The following PARD3 variants were observed in gnomAD, a reference collection of about 807,000 sequenced individuals.
PARD3 encodes partitioning defective 3 homolog.
A neutral mutation model predicts 155.4 loss-of-function variants in PARD3; 75 were observed. The observed-to-expected ratio is 0.48, with a 90% CI of 0.40 to 0.58. The LOEUF (loss-of-function observed/expected upper bound fraction) is 0.58. Ranked by LOEUF, PARD3 falls within the 20% of genes least tolerant of loss-of-function variation. PARD3 has a pLI of 0.00. For missense variants in PARD3, 1,642 were observed against 1,721.7 expected, an observed-to-expected ratio of 0.95 and a Z score of 0.82; for synonymous variants, 576 against 610.5, an observed-to-expected ratio of 0.94 and a Z score of 0.83.
At chr10:34,540,714 C>T (rs781061717) in intron 2 of PARD3, among the ~76,000 whole-genome samples, 1 of 151,950 alleles carries the variant, frequency 6.6e-6, no homozygotes, top group African/African-American at 2.4e-5. Context: ...CTGGGAAGCT[C>T]GAGGCTACAG....
chr10:34,514,090 T>C (rs2081562300), intron 3 of PARD3, among the ~76,000 whole-genome samples: 1 of 152,202 alleles, frequency 6.6e-6, no homozygotes, highest in Non-Finnish European at 1.5e-5. Context: ...ATCTAGGCTT[T>C]ATCTTAATAC....
chr10:34,666,816 T>TATAC (rs765552982), intron 2 of PARD3, among the ~76,000 whole-genome samples: 5,254 of 88,116 alleles, frequency 0.06, 173 homozygotes, highest in South Asian at 0.08. Context: ...TATATATATA[T>TATAC]ACACACACAC....
intron 2 of PARD3, among the ~76,000 whole-genome samples, chr10:34,679,185 G>A (rs1241307734): frequency 6.6e-6 from 1 of 152,066 alleles, no homozygotes; most frequent in Non-Finnish European, 1.5e-5. Context: ...GGAAAATAGG[G>A]GAACACATTC....
chr10:34,708,102 T>C (rs990253581), intron 1 of PARD3, among the ~76,000 whole-genome samples: 11 of 152,210 alleles, frequency 7.2e-5, no homozygotes, highest in African/African-American at 9.6e-5. Flanking sequence ...ATCCTCCTGA[T>C]TGAACCTAAT....
intron 2 of PARD3, among the ~76,000 whole-genome samples, chr10:34,639,876 C>A (rs1028648938): frequency 1.3e-5 from 2 of 149,814 alleles, no homozygotes; most frequent in Admixed American, 6.6e-5. Flanking sequence ...ACACACACAC[C>A]ACACACACAC....
In PARD3 at chr10:34,148,868, T is replaced by G. The variant is rs184422313; in HGVS notation, c.3420-17285A>C. 5.2e-3 allele frequency among the ~76,000 whole-genome samples: 787 copies of G among 152,140 alleles called. 9 individuals are homozygous for G. The highest frequency in any genetic ancestry group is 0.018 in the African/African-American group (757 of 41,512). On this transcript the variant is annotated intron_variant, in intron 22 of 24. Transcript: ENST00000374788. ...TCCCTCTATTGCCAGAATCAAGTTT[T>G]TTTTTGTTTGTTTTTAATGAATATG...
intron 22 of PARD3, among the ~76,000 whole-genome samples, chr10:34,139,971 T>A (rs1485434787): frequency 1.3e-5 from 2 of 152,204 alleles, no homozygotes; most frequent in African/African-American, 2.4e-5. Context: ...ATATGCCTGA[T>A]CTCTAGATAA....
At chr10:34,386,832 A>G (rs1842397674) in intron 7 of PARD3, among the ~76,000 whole-genome samples, 1 of 152,066 alleles carries the variant, frequency 6.6e-6, no homozygotes. Context: ...AAAAAAAAAA[A>G]AGAATTATTA....
chr10:34,507,540 T>TAAAAAAACAAAAA (rs1457218103), intron 3 of PARD3, among the ~76,000 whole-genome samples: 598 of 43,252 alleles, frequency 0.014, 11 homozygotes, highest in African/African-American at 0.11. Flanking sequence ...TCAGATCAAT[T>TAAAAAAACAAAAA]AAAAAAACAA....
intron 12 of PARD3, among the ~76,000 whole-genome samples, chr10:34,365,574 A>T (rs1457553148): frequency 1.3e-5 from 2 of 152,200 alleles, no homozygotes; most frequent in African/African-American, 4.8e-5. Flanking sequence ...AAATAGGTAG[A>T]CAAGAACATC....
chr10:34,712,763 G>A (rs984012413), intron 1 of PARD3, among the ~76,000 whole-genome samples: 1 of 151,998 alleles, frequency 6.6e-6, no homozygotes, highest in Non-Finnish European at 1.5e-5. Flanking sequence ...AAACACTGGG[G>A]ACTACTAGAT....
At chr10:34,552,820 G>GA (rs1450277034) in intron 2 of PARD3, among the ~76,000 whole-genome samples, 7 of 151,914 alleles carry the variant, frequency 4.6e-5, no homozygotes, top group East Asian at 1.9e-4. Flanking sequence ...TAAACGGACT[G>GA]AAAAAAACAC....
chr10:34,369,263 T>C (rs1207793318), intron 12 of PARD3, among the ~76,000 whole-genome samples: 2 of 152,298 alleles, frequency 1.3e-5, no homozygotes, highest in Non-Finnish European at 1.5e-5. Context: ...CACAAATTCC[T>C]ACCTAAGCTT....
chr10:34,303,424 T>C (rs1056358489), intron 20 of PARD3, among the ~76,000 whole-genome samples: 1 of 150,540 alleles, frequency 6.6e-6, no homozygotes, highest in African/African-American at 2.4e-5. Context: ...ACTTTCTCAA[T>C]TAAGAAAATG....
At chr10:34,442,810 G>C (rs887805774) in intron 5 of PARD3, among the ~76,000 whole-genome samples, 2 of 152,202 alleles carry the variant, frequency 1.3e-5, no homozygotes, top group African/African-American at 4.8e-5. Flanking sequence ...GTTTGAAGCT[G>C]AAGTGAGCTA....
chr10:34,344,279 T>TG lies in PARD3; in HGVS notation c.2219-2464dup, dbSNP rs1491207565. On this transcript the variant is annotated intron_variant, in intron 15 of 24. Coordinates refer to ENST00000374788, the MANE Select transcript of PARD3 (RefSeq NM_001184785.2). ...GTTTTTTTGTTTGTTTGTTTGTTTT[T>TG]GTTTTTTTTTTTTTTTTTTTGGATA... The TG allele has an allele frequency of 2.1e-5, 20 of 943,980 alleles. No homozygotes were observed. The African/African-American group carries it at 3.3e-4, about 15-fold the overall frequency. 58.5% of individuals were successfully genotyped at this position (943,980 alleles called of 1,614,324 possible). A position where few individuals can be genotyped will look rare whatever the true frequency, so the allele number is the denominator to read the frequency against.
At chr10:34,592,161 C>A (rs961405746) in intron 2 of PARD3, among the ~76,000 whole-genome samples, 1 of 152,172 alleles carries the variant, frequency 6.6e-6, no homozygotes, top group Non-Finnish European at 1.5e-5. Flanking sequence ...AACATAGGCA[C>A]AACTTTCTTT....
At chr10:34,361,404 T>C (rs1458272630) in intron 12 of PARD3, among the ~76,000 whole-genome samples, 3 of 152,230 alleles carry the variant, frequency 2.0e-5, no homozygotes, top group African/African-American at 4.8e-5. Flanking sequence ...TACACAGATA[T>C]GTAGGAATAT....
intron 1 of PARD3, among the ~76,000 whole-genome samples, chr10:34,710,244 C>A (rs2133619828): frequency 6.6e-6 from 1 of 152,308 alleles, no homozygotes; most frequent in Middle Eastern, 3.4e-3. Flanking sequence ...TGTTCACCGA[C>A]TGTTACATAA....
Sources: gnomAD v4.1 joint callset for allele counts (sites outside exome capture counted in the v4.1 genomes callset) on GRCh38, gnomAD v4.1.1 for gene constraint, MANE v1.5 for transcripts, NCBI Gene and HGNC (gene_info 2026-07-23, HGNC 2026-07-21) for gene names.